BDNF: variants seen among roughly 807,000 people sequenced by gnomAD.
The protein encoded by BDNF is neurotrophic factor BDNF precursor form.
A neutral mutation model predicts 19.5 loss-of-function variants in BDNF; 1 was observed. The observed-to-expected ratio is 0.05, with a 90% CI of 0.02 to 0.24. The LOEUF is 0.24. BDNF is among the 10% of genes least tolerant of loss of function. The pLI is 1.00. For synonymous variants in BDNF, 100 were observed against 121.6 expected, an observed-to-expected ratio of 0.82 and a Z score of 1.17; for missense variants, 195 against 317.6, an observed-to-expected ratio of 0.61 and a Z score of 2.93.
At chr11:27,674,165 G>T (rs141032455) in intron 1 of BDNF, 20 of 1,610,774 alleles carry the variant, frequency 1.2e-5, no homozygotes, top group Non-Finnish European at 1.7e-5. Context: ...ATACAGAAGC[G>T]TGTGGGTAGA....
intron 1 of BDNF, among the ~76,000 whole-genome samples, chr11:27,683,323 T>TA (rs1158528339): frequency 2.0e-5 from 3 of 152,216 alleles, no homozygotes; most frequent in African/African-American, 7.2e-5. Flanking sequence ...GTCAGATGGA[T>TA]ACGTTGCAAA....
At position 27,657,682 on chromosome 11, in the gene BDNF, A is replaced by G. The variant is rs1175181488; in HGVS notation, c.*139T>C. 3 of 1,475,884 alleles carry G rather than the reference A, an allele frequency of 2.0e-6. No individual in the cohort carries two copies. Among genetic ancestry groups the G allele is most frequent in the African/African-American group, 2.8e-5 (2 of 70,726 alleles). 91.4% of individuals were successfully genotyped at this position (1,475,884 alleles called of 1,614,324 possible). A position where few individuals can be genotyped will look rare whatever the true frequency, so the allele number is the denominator to read the frequency against. On this transcript the variant is annotated 3_prime_UTR_variant, in exon 2 of 2. Transcript: ENST00000356660. This position sits in a 1 kb window ranked among gnomAD's most constrained non-coding sequence, Gnocchi z 5.0. ...TGTCCAATAAATAGATTGTAGAACC[A>G]CTGTACTGTATAAACTTCATTTATA...
chr11:27,718,018 C>G (rs1343923507), intron 1 of BDNF, among the ~76,000 whole-genome samples: 2 of 152,126 alleles, frequency 1.3e-5, no homozygotes. Flanking sequence ...ATTCAACTGT[C>G]AACTAAATTG....
chr11:27,668,581 C>T (rs549850520), intron 1 of BDNF, among the ~76,000 whole-genome samples: 1 of 152,250 alleles, frequency 6.6e-6, no homozygotes, highest in Admixed American at 6.5e-5. Flanking sequence ...AAGGGGATAT[C>T]ACCACCAATC....
chr11:27,670,520 G>C (rs931315179), intron 1 of BDNF, among the ~76,000 whole-genome samples: 4 of 152,052 alleles, frequency 2.6e-5, no homozygotes, highest in Non-Finnish European at 4.4e-5. Flanking sequence ...TCTGACAAAG[G>C]GCTAATATCC....
At chr11:27,705,654 C>T (rs1260101914) in intron 1 of BDNF, among the ~76,000 whole-genome samples, 1 of 152,156 alleles carries the variant, frequency 6.6e-6, no homozygotes, top group African/African-American at 2.4e-5. Flanking sequence ...TTTCTACCTC[C>T]AGATAGCACA....
intron 1 of BDNF, among the ~76,000 whole-genome samples, chr11:27,661,993 C>T (rs1853521883): frequency 9.5e-6 from 1 of 105,490 alleles, no homozygotes; most frequent in East Asian, 4.1e-4. Flanking sequence ...TGATTCCCTT[C>T]TCACTTGTTT....
At chr11:27,721,678 A>G (rs1165530749) in exon 1 of BDNF, 23 of 563,660 alleles carry the variant, frequency 4.1e-5, no homozygotes, top group Non-Finnish European at 7.3e-5. Flanking sequence ...AAACGCCCTC[A>G]CTCCGAGAGA....
At position 27,656,773 on chromosome 11, in the gene BDNF, A is replaced by G; in HGVS notation, c.*1048T>C. 1.0e-6 allele frequency: 1 copy of G among 985,222 alleles called. No homozygotes were observed. Among genetic ancestry groups the G allele is most frequent in the Non-Finnish European group, 1.2e-6 (1 of 829,872 alleles). The allele number at this position is 985,222 out of a possible 1,614,324, so 61.0% of individuals were successfully genotyped here. On this transcript the variant is annotated 3_prime_UTR_variant, in exon 2 of 2. Coordinates refer to ENST00000356660, the MANE Select transcript of BDNF (RefSeq NM_001709.5). ...AAATGTTCACTCCTCATAAAAAATA[A>G]TCTTCATTTTGGGGTTATTTTTTGT...
upstream of BDNF, chr11:27,700,964 G>GAC (rs1564990384): frequency 1.0e-5 from 14 of 1,359,520 alleles, no homozygotes; most frequent in Non-Finnish European, 1.3e-5. Context: ...CCGGGCCACA[G>GAC]ACACACCTTC....
intron 1 of BDNF, among the ~76,000 whole-genome samples, chr11:27,718,121 G>A (rs1191701724): frequency 6.6e-6 from 1 of 152,150 alleles, no homozygotes; most frequent in East Asian, 1.9e-4. Flanking sequence ...TCGCTAGCAA[G>A]GGATGGCGCG....
intron 1 of BDNF, among the ~76,000 whole-genome samples, chr11:27,717,283 C>G (rs1860550743): frequency 6.6e-6 from 1 of 152,196 alleles, no homozygotes; most frequent in Non-Finnish European, 1.5e-5. Context: ...CACTTACTAC[C>G]TTGAGCATAT....
intron 1 of BDNF, among the ~76,000 whole-genome samples, chr11:27,721,107 T>C (rs1366121552): frequency 1.3e-5 from 2 of 151,022 alleles, no homozygotes; most frequent in Non-Finnish European, 2.9e-5. Flanking sequence ...AATATGATCA[T>C]ACACCATACA....
At position 27,656,584 on chromosome 11, in the gene BDNF, A is replaced by T; in HGVS notation, c.*1237T>A. 8.1e-6 allele frequency: 8 copies of T among 985,408 alleles called. No individual in the cohort carries two copies. Among genetic ancestry groups the T allele is most frequent in the Non-Finnish European group, 9.6e-6 (8 of 829,860 alleles). 61.0% of individuals were successfully genotyped at this position (985,408 alleles called of 1,614,324 possible). On this transcript the variant is annotated 3_prime_UTR_variant, in exon 2 of 2. Coordinates refer to ENST00000356660, the MANE Select transcript of BDNF (RefSeq NM_001709.5). ...CGCACTGCCGGTAAATGCAATGCCA[A>T]CTCCACATAGCCTCCATTTGGCTGT...
chr11:27,698,140 A>G (rs1259009358), intron 1 of BDNF: 1 of 143,780 alleles, frequency 7.0e-6, no homozygotes, highest in Non-Finnish European at 1.5e-5. Context: ...AACATGTTTT[A>G]AATTCCAGTA....
At chr11:27,718,354 A>ACCCC (rs376255605) in intron 1 of BDNF, among the ~76,000 whole-genome samples, 3,325 of 100,720 alleles carry the variant, frequency 0.033, 119 homozygotes, top group East Asian at 0.093. Flanking sequence ...TCCGCACACC[A>ACCCC]CCCCCCCCCG....
intron 1 of BDNF, chr11:27,674,387 G>A: frequency 6.7e-7 from 1 of 1,485,764 alleles, no homozygotes; most frequent in Non-Finnish European, 8.9e-7. Context: ...CTTAATGCAG[G>A]AGGAAATATA....
chr11:27,710,707 A>T (rs1860290171), intron 1 of BDNF, among the ~76,000 whole-genome samples: 1 of 152,202 alleles, frequency 6.6e-6, no homozygotes, highest in South Asian at 2.1e-4. Context: ...GTCTTTGGAG[A>T]GGGTGTTCCT....
In BDNF at chr11:27,674,186, T is replaced by C. The variant is rs758930198; in HGVS notation, c.-21-15601A>G. The C allele has an allele frequency of 7.8e-5, 125 of 1,605,508 alleles. No homozygotes were observed. The highest frequency in any genetic ancestry group is 5.4e-5 in the African/African-American group (4 of 74,766). On this transcript the variant is annotated intron_variant, in intron 1 of 1. Transcript: ENST00000356660. Reference sequence around the variant, plus strand: ...AAGCGTGTGGGTAGACGCCAAAACATGTGTGGACCTGCAACCCTTTCTGTA... The same window carrying C: ...AAGCGTGTGGGTAGACGCCAAAACACGTGTGGACCTGCAACCCTTTCTGTA...
Sources: gnomAD v4.1 joint callset for allele counts (sites outside exome capture counted in the v4.1 genomes callset) on GRCh38, gnomAD v4.1.1 for gene constraint, Gnocchi (gnomAD v3.1) non-coding constraint, MANE v1.5 for transcripts, NCBI Gene and HGNC (gene_info 2026-07-23, HGNC 2026-07-21) for gene names.